PRDM16: variants seen among roughly 807,000 people sequenced by gnomAD.
PRDM16 encodes histone-lysine N-methyltransferase PRDM16.
Under a neutral mutation model 110.6 loss-of-function variants are expected in PRDM16, and 23 were observed. That is an observed-to-expected ratio of 0.21 (90% CI 0.15 to 0.29). The LOEUF (loss-of-function observed/expected upper bound fraction) is 0.29. Ranked by LOEUF, PRDM16 falls within the 10% of genes least tolerant of loss-of-function variation. PRDM16 has a pLI of 1.00. For synonymous variants in PRDM16, 799 were observed against 781.8 expected, an observed-to-expected ratio of 1.02 and a Z score of -0.37; for missense variants, 1,615 against 1,794.3, an observed-to-expected ratio of 0.90 and a Z score of 1.81.
rs115319221 is a variant in PRDM16, at chr1:3,395,213, C to T, written c.574-1278C>T. Among the ~76,000 whole-genome samples, 957 of 152,192 alleles carry T rather than the reference C, an allele frequency of 6.3e-3. 15 individuals carry two copies. The highest frequency in any genetic ancestry group is 0.022 in the African/African-American group (900 of 41,494). On this transcript the variant is annotated intron_variant, in intron 4 of 16. Transcript: ENST00000270722. The stretch of plus-strand genomic sequence containing the variant: ...ATGGGGGAGGAGCATGCAGGGGCCA[C>T]ACCCAGCCCTGTCTCGGGGGTGCCC...
Position 3,265,065 on chromosome 1 carries a change from C to G in PRDM16, c.438+20928C>G, listed in dbSNP as rs1442893937. ...CTGAGTCCCCCAGCCTCTCTCTGAC[C>G]CAGGGCCCAGGAGGGAGGGGAGACC... On this transcript the variant is annotated intron_variant, in intron 3 of 16. Transcript: ENST00000270722. This position sits in a 1 kb window ranked among gnomAD's most constrained non-coding sequence, Gnocchi z 4.5. Among the ~76,000 whole-genome samples, 1 of 152,060 alleles carries G rather than the reference C, an allele frequency of 6.6e-6. No homozygotes were observed. Among genetic ancestry groups the G allele is most frequent in the Non-Finnish European group, 1.5e-5 (1 of 67,974 alleles).
At chr1:3,247,978 C>A (rs2100208724) in intron 3 of PRDM16, among the ~76,000 whole-genome samples, 1 of 152,322 alleles carries the variant, frequency 6.6e-6, no homozygotes, top group African/African-American at 2.4e-5. Context: ...GTCCATCCAT[C>A]ACTCCGGGCG....
intron 1 of PRDM16, among the ~76,000 whole-genome samples, chr1:3,075,956 G>A (rs1389838120): frequency 3.3e-5 from 5 of 152,216 alleles, no homozygotes; most frequent in African/African-American, 1.2e-4. Flanking sequence ...GGGAGGAGGA[G>A]TCACGCACTA....
intron 1 of PRDM16, among the ~76,000 whole-genome samples, chr1:3,161,804 C>T (rs1356554349): frequency 2.0e-5 from 3 of 152,242 alleles, no homozygotes; most frequent in Admixed American, 2.0e-4. Context: ...CGTCCCAGCT[C>T]CTGGGTGCAG....
At chr1:3,313,366 C>A (rs1408422646) in intron 3 of PRDM16, among the ~76,000 whole-genome samples, 1 of 152,178 alleles carries the variant, frequency 6.6e-6, no homozygotes, top group Non-Finnish European at 1.5e-5. Flanking sequence ...GCGGCACTTA[C>A]CAGAAGCCTG....
rs1269969875 is a variant in PRDM16, at chr1:3,208,665, A to C, written c.387+22191A>C. ...TGGTGACAGAGCAAGACTCCGTCTC[A>C]AAAAAAAAAAAAAGAAAAGAAAAGA... On this transcript the variant is annotated intron_variant, in intron 2 of 16. Coordinates refer to ENST00000270722, the MANE Select transcript of PRDM16 (RefSeq NM_022114.4). This position sits in a 1 kb window ranked among gnomAD's most constrained non-coding sequence, Gnocchi z 6.1. 1 of 133,526 alleles carries C rather than the reference A, an allele frequency of 7.5e-6. No homozygotes were observed. The highest frequency in any genetic ancestry group is 1.6e-5 in the Non-Finnish European group (1 of 64,374). 8.3% of individuals were successfully genotyped at this position (133,526 alleles called of 1,614,324 possible). A position where few individuals can be genotyped will look rare whatever the true frequency, so the allele number is the denominator to read the frequency against.
chr1:3,431,900 A>G, intron 15 of PRDM16, 66 bp from the exon 16 acceptor site: 2 of 1,547,340 alleles, frequency 1.3e-6, no homozygotes, highest in Non-Finnish European at 1.8e-6. Flanking sequence ...GGCTTGCAGC[A>G]TCAGAGAGGC....
chr1:3,410,150 TTGTGTGTGCTG>T (rs1203111419), intron 8 of PRDM16, among the ~76,000 whole-genome samples: 2 of 150,972 alleles, frequency 1.3e-5, no homozygotes, highest in African/African-American at 4.9e-5. Context: ...TGGTGTGTGG[TTGTGTGTGCTG>T]TGTGTGTGCA....
At chr1:3,273,988 A>G (rs1640526141) in intron 3 of PRDM16, among the ~76,000 whole-genome samples, 1 of 150,016 alleles carries the variant, frequency 6.7e-6, no homozygotes, top group South Asian at 2.1e-4. Flanking sequence ...AAAAAAAAAA[A>G]AAAAAAAAAA....
chr1:3,374,697 C>T (rs867320540), intron 3 of PRDM16, among the ~76,000 whole-genome samples: 38 of 152,212 alleles, frequency 2.5e-4, no homozygotes, highest in Non-Finnish European at 1.0e-4. Flanking sequence ...GCAGAGCGCA[C>T]AGCATAGCCT....
intron 2 of PRDM16, among the ~76,000 whole-genome samples, chr1:3,212,607 C>T (rs1638914956): frequency 6.8e-6 from 1 of 146,844 alleles, no homozygotes; most frequent in Admixed American, 6.8e-5. Flanking sequence ...ATCCTCCCGG[C>T]CCCCTCGCTG....
intron 1 of PRDM16, among the ~76,000 whole-genome samples, chr1:3,078,407 C>T (rs1641946945): frequency 6.6e-6 from 1 of 152,174 alleles, no homozygotes; most frequent in Non-Finnish European, 1.5e-5. Flanking sequence ...GGGTCTGGAC[C>T]ATGGTGTCTA....
intron 1 of PRDM16, among the ~76,000 whole-genome samples, chr1:3,146,603 GCTCAGTGT>G (rs1448481323): frequency 2.1e-5 from 3 of 145,786 alleles, no homozygotes; most frequent in African/African-American, 7.7e-5. Context: ...GCACGTGTGT[GCTCAGTGT>G]GGGGGGTGTG....
chr1:3,080,958 CG>C lies in PRDM16; in HGVS notation c.37+11670del, dbSNP rs527641867. 1.3e-5 allele frequency among the ~76,000 whole-genome samples: 2 copies of C among 149,298 alleles called. No individual in the cohort carries two copies. The highest frequency in any genetic ancestry group is 4.3e-4 in the South Asian group (2 of 4,604). On this transcript the variant is annotated intron_variant, in intron 1 of 16. Coordinates refer to ENST00000270722, the MANE Select transcript of PRDM16 (RefSeq NM_022114.4). This position sits in a 1 kb window ranked among gnomAD's most constrained non-coding sequence, Gnocchi z 5.2. ...TGTGTGTGTAGAGGGGGTGGCGGGG[CG>C]GGGGGGGTCTGCACATTCCGCCGAG...
chr1:3,242,900 C>G (rs756905533), intron 2 of PRDM16, among the ~76,000 whole-genome samples: 2 of 152,236 alleles, frequency 1.3e-5, no homozygotes. Flanking sequence ...TATACTCGAC[C>G]GTGCATGGCC....
chr1:3,096,992 C>T (rs887891976), intron 1 of PRDM16, among the ~76,000 whole-genome samples: 11 of 152,196 alleles, frequency 7.2e-5, no homozygotes, highest in African/African-American at 1.7e-4. Flanking sequence ...AGTAGAGTCT[C>T]GGCTCCCTCT....
chr1:3,197,415 C>A (rs543370217), intron 2 of PRDM16, among the ~76,000 whole-genome samples: 1 of 152,312 alleles, frequency 6.6e-6, no homozygotes, highest in South Asian at 2.1e-4. Flanking sequence ...GATCCTACAG[C>A]CTTGGCATCC....
Position 3,382,398 on chromosome 1 carries a change from C to T in PRDM16, c.439-2754C>T, listed in dbSNP as rs1323537623. Among the ~76,000 whole-genome samples the T allele has an allele frequency of 6.6e-6, 1 of 152,212 alleles. No homozygotes were observed. ...CTGGACAGCGTGAGGACCCTTCCTG[C>T]AGCCCCTTTAGGGACCAGGACCTCA... is the stretch of plus-strand genomic sequence containing the variant. On this transcript the variant is annotated intron_variant, in intron 3 of 16. Coordinates refer to ENST00000270722, the MANE Select transcript of PRDM16 (RefSeq NM_022114.4). The surrounding 1 kb of genome is among the most constrained non-coding windows in gnomAD (Gnocchi z 6.6).
intron 1 of PRDM16, among the ~76,000 whole-genome samples, chr1:3,129,422 AGT>A (rs1223284796): frequency 6.8e-6 from 1 of 146,510 alleles, no homozygotes; most frequent in Non-Finnish European, 1.5e-5. Flanking sequence ...TGTGCTTGTG[AGT>A]GTGTGTATCC....
Sources: allele counts gnomAD v4.1 joint callset (sites outside exome capture counted in the v4.1 genomes callset), GRCh38; gene constraint gnomAD v4.1.1; non-coding constraint Gnocchi (gnomAD v3.1); transcripts MANE v1.5; gene names NCBI Gene and HGNC (gene_info 2026-07-23, HGNC 2026-07-21).